TEX10: variants seen among roughly 807,000 people sequenced by gnomAD.
TEX10 encodes the protein testis expressed 10.
In TEX10, 24 loss-of-function variants were observed where a neutral mutation model predicts 104.4. That is an observed-to-expected ratio of 0.23 (90% CI 0.17 to 0.32). TEX10 has a LOEUF of 0.32. TEX10 is among the 10% of genes least tolerant of loss of function. The pLI is 1.00. For missense variants in TEX10, 921 were observed against 1,083.9 expected (o/e 0.85, Z 2.11); for synonymous variants, 396 against 393.4 (o/e 1.01, Z -0.08).
Position 100,302,200 on chromosome 9 carries a change from T to C in TEX10, c.2781A>G (p.Thr927=), listed in dbSNP as rs375700935. The change falls in exon 15 of 15, where the codon ACA becomes ACG. Residue 927 remains threonine (T), a synonymous_variant. Coordinates refer to ENST00000374902, the MANE Select transcript of TEX10 (RefSeq NM_017746.4). Reference sequence around the variant, plus strand: ...AGGTACTATGGCCTCTTCAATACACTGTAGCCAGTGCACTGGGCCCTTGGG... The same window carrying C: ...AGGTACTATGGCCTCTTCAATACACCGTAGCCAGTGCACTGGGCCCTTGGG... ...GHPQGPSALA[T]VY 7 of 1,606,026 alleles carry C rather than the reference T, an allele frequency of 4.4e-6. No individual in the cohort carries two copies. The African/African-American group carries it at 8.0e-5, about 18-fold the overall frequency.
chr9:100,330,298 A>G, intron 5 of TEX10, 129 bp from the exon 6 acceptor site: 1 of 715,958 alleles, frequency 1.4e-6, no homozygotes, highest in Non-Finnish European at 2.4e-6. Context: ...GGCCAAGAAG[A>G]TAGGTGCATA....
chr9:100,316,894 T>TAAAAAAAAAAAAAA (rs35651841), intron 11 of TEX10, among the ~76,000 whole-genome samples: 1 of 53,466 alleles, frequency 1.9e-5, no homozygotes, highest in African/African-American at 7.9e-5. Context: ...TTATAATAGC[T>TAAAAAAAAAAAAAA]AAAAAAAAAA....
intron 1 of TEX10, among the ~76,000 whole-genome samples, chr9:100,349,739 G>A (rs1835396246): frequency 6.6e-6 from 1 of 152,100 alleles, no homozygotes; most frequent in Non-Finnish European, 1.5e-5. Context: ...CTGCTGGTGT[G>A]CTCCTGGGCT....
In TEX10 at chr9:100,310,459, GAC is replaced by G; in HGVS notation, c.2203-82_2203-81del. ...AAGTTCAACAGATTCTTTTTTTTGAGACAGAGTTTCACTCTGTCGCCCAGGCT... is the reference window on the plus strand; with the variant it reads ...AAGTTCAACAGATTCTTTTTTTTGAGAGAGTTTCACTCTGTCGCCCAGGCT... On this transcript the variant is annotated intron_variant, in intron 11 of 14. Coordinates refer to ENST00000374902, the MANE Select transcript of TEX10 (RefSeq NM_017746.4). 3.0e-6 allele frequency: 4 copies of G among 1,332,348 alleles called. No homozygotes were observed. The South Asian group carries it at 5.0e-5, about 17-fold the overall frequency. The allele number at this position is 1,332,348 out of a possible 1,614,324, so 82.5% of individuals were successfully genotyped here. A position where few individuals can be genotyped will look rare whatever the true frequency, so the allele number is the denominator to read the frequency against.
intron 9 of TEX10, among the ~76,000 whole-genome samples, chr9:100,323,863 A>G (rs551299407): frequency 1.3e-5 from 2 of 152,320 alleles, no homozygotes; most frequent in South Asian, 2.1e-4. Flanking sequence ...AGAAAAATCA[A>G]TCTGGCAACA....
chr9:100,347,952 C>T (rs1003967194), intron 2 of TEX10, among the ~76,000 whole-genome samples: 3 of 152,120 alleles, frequency 2.0e-5, no homozygotes, highest in African/African-American at 7.2e-5. Flanking sequence ...AAGACCTACA[C>T]ACAAATATTC....
chr9:100,330,560 C>G (rs1028076328), intron 5 of TEX10, among the ~76,000 whole-genome samples: 35 of 152,176 alleles, frequency 2.3e-4, no homozygotes, highest in African/African-American at 8.2e-4. Context: ...AACTAATCAT[C>G]TGACTTAAAA....
rs1468861492 is a variant in TEX10, at chr9:100,310,362, T to G, written c.2220A>C (p.Leu740Phe). ...TCTGACTTCGGGCAGGAATAACCAA[T>G]AAACTGTGAAAAACTGCCTGTCAGA... ...WDVTEAVFHS[L>F]LVIPARSQNF... Residue 740 changes from leucine (L) to phenylalanine (F), a missense_variant, in exon 12 of 15, where the codon TTA becomes TTC. By Grantham distance (22) the Leu-to-Phe change is conservative (BLOSUM62 0). This residue lies in a region of TEX10 where 753 missense variants were observed against 868.4 expected (regional missense o/e 0.87). Transcript: ENST00000374902. 4.3e-6 allele frequency: 7 copies of G among 1,613,916 alleles called. No homozygotes were observed. The highest frequency in any genetic ancestry group is 5.9e-6 in the Non-Finnish European group (7 of 1,179,938).
At chr9:100,334,554 A>C (rs35989527) in intron 5 of TEX10, among the ~76,000 whole-genome samples, 1 of 152,192 alleles carries the variant, frequency 6.6e-6, no homozygotes, top group South Asian at 2.1e-4. Flanking sequence ...GACAGAATTC[A>C]CAGTGGTAGA....
intron 2 of TEX10, among the ~76,000 whole-genome samples, 167 bp downstream of exon 2, chr9:100,349,017 C>G (rs1007666581): frequency 6.6e-6 from 1 of 152,164 alleles, no homozygotes; most frequent in Admixed American, 6.5e-5. Flanking sequence ...AAAGACACAG[C>G]TGCATGAGAG....
chr9:100,336,036 A>T (rs10989056), intron 5 of TEX10, among the ~76,000 whole-genome samples: 4 of 151,326 alleles, frequency 2.6e-5, no homozygotes, highest in Non-Finnish European at 5.9e-5. Context: ...GCATAGTGGC[A>T]CATGCCTATA....
intron 11 of TEX10, among the ~76,000 whole-genome samples, chr9:100,312,562 C>G (rs763794586): frequency 9.9e-5 from 15 of 152,160 alleles, no homozygotes; most frequent in Non-Finnish European, 1.5e-4. Flanking sequence ...CAGCAATAAG[C>G]ACACCTAAAT....
chr9:100,316,018 C>T (rs1322350214), intron 11 of TEX10, among the ~76,000 whole-genome samples: 2 of 152,180 alleles, frequency 1.3e-5, no homozygotes, highest in Non-Finnish European at 2.9e-5. Flanking sequence ...CTTTCTTCCC[C>T]TTGGGAATAC....
intron 11 of TEX10, among the ~76,000 whole-genome samples, chr9:100,312,867 A>G (rs932801239): frequency 1.3e-5 from 2 of 152,226 alleles, no homozygotes; most frequent in African/African-American, 4.8e-5. Flanking sequence ...ATGGGTAATA[A>G]AAAGAGGATG....
chr9:100,345,163 C>T (rs373990295), intron 4 of TEX10, among the ~76,000 whole-genome samples: 2 of 152,068 alleles, frequency 1.3e-5, no homozygotes, highest in African/African-American at 2.4e-5. Context: ...GTCTCAAAAC[C>T]GTAATCAATA....
At chr9:100,329,884 C>A (rs1427487604) in intron 6 of TEX10, 47 bp downstream of exon 6, 24 of 1,435,648 alleles carry the variant, frequency 1.7e-5, no homozygotes, top group Non-Finnish European at 2.3e-5. Flanking sequence ...TAAGATAGCA[C>A]ATGTAAGAGC....
intron 11 of TEX10, among the ~76,000 whole-genome samples, chr9:100,316,563 C>A (rs1398581598): frequency 2.0e-5 from 3 of 152,042 alleles, no homozygotes; most frequent in Non-Finnish European, 4.4e-5. Context: ...AAAAGACATC[C>A]AAATTGGAAA....
At chr9:100,310,171 G>T in intron 12 of TEX10, 128 bp downstream of exon 12, 1 of 747,334 alleles carries the variant, frequency 1.3e-6, no homozygotes, top group Non-Finnish European at 2.2e-6. Context: ...AATGCATCAT[G>T]CTGCAAGAGA....
intron 8 of TEX10, 36 bp from the exon 9 acceptor site, chr9:100,326,515 AAAAG>A: frequency 5.1e-6 from 8 of 1,569,014 alleles, no homozygotes; most frequent in Non-Finnish European, 6.9e-6. Flanking sequence ...AAACAACTAT[AAAAG>A]ACATGCAAAC....
Sources: gnomAD v4.1 joint callset for allele counts (sites outside exome capture counted in the v4.1 genomes callset) on GRCh38, gnomAD v4.1.1 for gene constraint, gnomAD v4.1.1 regional missense constraint, MANE v1.5 for transcripts, NCBI Gene and HGNC (gene_info 2026-07-23, HGNC 2026-07-21) for gene names.